Variants in GPR39 observed in about 807,000 individuals in gnomAD.
GPR39 encodes G protein-coupled receptor 39.
A neutral mutation model predicts 18.4 loss-of-function variants in GPR39; 23 were observed. That is an observed-to-expected ratio of 1.25 (90% CI 0.90 to 1.77). GPR39 has a LOEUF of 1.77. Among genes scored for constraint, GPR39 ranks in the 40% most tolerant of loss-of-function variants. GPR39 has a pLI of 0.00. For missense variants in GPR39, 647 were observed against 602.4 expected, an observed-to-expected ratio of 1.07 and a Z score of -0.78; for synonymous variants, 280 against 257.9, an observed-to-expected ratio of 1.09 and a Z score of -0.82.
At chr2:132,534,085 C>T (rs1679695673) in intron 1 of GPR39, among the ~76,000 whole-genome samples, 1 of 152,048 alleles carries the variant, frequency 6.6e-6, no homozygotes, top group South Asian at 2.1e-4. Context: ...ATTTTTGCAA[C>T]CTACTCATCT....
At chr2:132,623,798 C>A (rs761995305) in intron 1 of GPR39, among the ~76,000 whole-genome samples, 7 of 152,178 alleles carry the variant, frequency 4.6e-5, no homozygotes, top group Non-Finnish European at 8.8e-5. Flanking sequence ...GGTGGAGAAG[C>A]CCGCACAATT....
intron 1 of GPR39, among the ~76,000 whole-genome samples, chr2:132,469,369 A>G (rs1680988043): frequency 6.6e-6 from 1 of 152,212 alleles, no homozygotes; most frequent in African/African-American, 2.4e-5. Context: ...TGTTCATTTA[A>G]TGAAAGGTTA....
At chr2:132,444,193 C>T (rs1680490155) in intron 1 of GPR39, among the ~76,000 whole-genome samples, 1 of 152,176 alleles carries the variant, frequency 6.6e-6, no homozygotes, top group South Asian at 2.1e-4. Flanking sequence ...CATTTGTATT[C>T]TCATACTGAC....
chr2:132,505,147 C>G (rs1679110990), intron 1 of GPR39, among the ~76,000 whole-genome samples: 1 of 152,124 alleles, frequency 6.6e-6, no homozygotes, highest in South Asian at 2.1e-4. Flanking sequence ...TGGTGAGCAC[C>G]TTCTTGTTAG....
At chr2:132,569,993 TG>T (rs1680414084) in intron 1 of GPR39, among the ~76,000 whole-genome samples, 1 of 152,180 alleles carries the variant, frequency 6.6e-6, no homozygotes, top group Non-Finnish European at 1.5e-5. Context: ...GTCTCGGGTT[TG>T]TCTTTAAGGG....
At chr2:132,472,399 A>G (rs1421598113) in intron 1 of GPR39, among the ~76,000 whole-genome samples, 1 of 152,140 alleles carries the variant, frequency 6.6e-6, no homozygotes, top group South Asian at 2.1e-4. Context: ...AGAAGTTGAT[A>G]TCTGCACCAC....
At chr2:132,420,248 C>T (rs1334488247) in intron 1 of GPR39, among the ~76,000 whole-genome samples, 1 of 152,182 alleles carries the variant, frequency 6.6e-6, no homozygotes, top group Non-Finnish European at 1.5e-5. Context: ...AGCCCATTTT[C>T]TCTGCGGTAG....
intron 1 of GPR39, among the ~76,000 whole-genome samples, chr2:132,524,219 A>T (rs921172430): frequency 1.3e-5 from 2 of 152,236 alleles, no homozygotes; most frequent in Non-Finnish European, 2.9e-5. Context: ...GAGGGAACGA[A>T]GAGGGTCTTG....
At chr2:132,441,592 T>C (rs1183887222) in intron 1 of GPR39, among the ~76,000 whole-genome samples, 1 of 152,232 alleles carries the variant, frequency 6.6e-6, no homozygotes, top group African/African-American at 2.4e-5. Context: ...AGGGCCCTAA[T>C]GAATGGAGTG....
chr2:132,456,555 T>C (rs1357782311), intron 1 of GPR39, among the ~76,000 whole-genome samples: 1 of 152,218 alleles, frequency 6.6e-6, no homozygotes. Context: ...CGTTCATTGA[T>C]GCAGTTTCTT....
intron 1 of GPR39, among the ~76,000 whole-genome samples, chr2:132,527,786 G>GT (rs1290062851): frequency 3.9e-5 from 6 of 151,930 alleles, no homozygotes; most frequent in South Asian, 2.1e-4. Context: ...TTATGGGGTT[G>GT]TTTTTTTTCT....
At chr2:132,537,609 G>C (rs943019599) in intron 1 of GPR39, among the ~76,000 whole-genome samples, 1 of 151,360 alleles carries the variant, frequency 6.6e-6, no homozygotes, top group Admixed American at 6.6e-5. Context: ...GCTTGGGGAA[G>C]TTCTCCTGGA....
chr2:132,571,434 G>A (rs1366460596), intron 1 of GPR39, among the ~76,000 whole-genome samples: 3 of 152,134 alleles, frequency 2.0e-5, no homozygotes, highest in Non-Finnish European at 1.5e-5. Flanking sequence ...TGCAATTTGT[G>A]AGACTAGAAA....
intron 1 of GPR39, among the ~76,000 whole-genome samples, chr2:132,589,508 T>C (rs963968708): frequency 6.6e-6 from 1 of 152,244 alleles, no homozygotes; most frequent in African/African-American, 2.4e-5. Flanking sequence ...ATAGGCACTA[T>C]GCTCCTCTTT....
Position 132,603,750 on chromosome 2 carries a change from G to A in GPR39, c.857-41351G>A, listed in dbSNP as rs1183525962. On this transcript the variant is annotated intron_variant, in intron 1 of 1. Coordinates refer to ENST00000329321, the MANE Select transcript of GPR39 (RefSeq NM_001508.3). ...GGGTTACTAAAATCCACTGAAGTCA[G>A]GAGCTATTCACCAAAAGCTGAAAAT... Among the ~76,000 whole-genome samples, 5 of 152,156 alleles carry A rather than the reference G, an allele frequency of 3.3e-5. No individual in the cohort carries two copies. The South Asian group carries it at 6.2e-4, about 19-fold the overall frequency.
chr2:132,576,874 C>A (rs1437245966), intron 1 of GPR39, among the ~76,000 whole-genome samples: 1 of 152,086 alleles, frequency 6.6e-6, no homozygotes, highest in Non-Finnish European at 1.5e-5. Context: ...AAAAGGCTAT[C>A]TTTTCTCCAC....
chr2:132,591,315 C>T (rs1293830981), intron 1 of GPR39, among the ~76,000 whole-genome samples: 5 of 149,502 alleles, frequency 3.3e-5, no homozygotes, highest in East Asian at 2.0e-4. Context: ...ACTAGACCAG[C>T]GGAGTCTTCT....
intron 1 of GPR39, among the ~76,000 whole-genome samples, chr2:132,522,282 G>T (rs545790500): frequency 6.6e-6 from 1 of 152,044 alleles, no homozygotes; most frequent in Non-Finnish European, 1.5e-5. Flanking sequence ...TAAAATGATC[G>T]CTCATTTATT....
intron 1 of GPR39, among the ~76,000 whole-genome samples, chr2:132,473,653 T>G (rs1264057066): frequency 1.3e-5 from 2 of 152,194 alleles, no homozygotes; most frequent in Non-Finnish European, 2.9e-5. Flanking sequence ...ATCTAACTTA[T>G]CAGTTAGCAT....
Sources: gnomAD v4.1 joint callset for allele counts (sites outside exome capture counted in the v4.1 genomes callset) on GRCh38, gnomAD v4.1.1 for gene constraint, MANE v1.5 for transcripts, NCBI Gene and HGNC (gene_info 2026-07-23, HGNC 2026-07-21) for gene names.